COMMD10: variants seen among roughly 807,000 people sequenced by gnomAD.
COMMD10 encodes COMM domain containing 10.
Under a neutral mutation model 28.9 loss-of-function variants are expected in COMMD10, and 33 were observed. The observed-to-expected ratio is 1.14, with a 90% CI of 0.87 to 1.53. COMMD10 has a LOEUF of 1.53. Among genes scored for constraint, COMMD10 ranks in the 40% most tolerant of loss-of-function variants. The pLI is 0.00. For missense variants in COMMD10, 310 were observed against 233.4 expected (o/e 1.33, Z -2.14); for synonymous variants, 110 against 81.7 (o/e 1.35, Z -1.87).
At chr5:116,124,838 T>C (rs1751566807) in intron 4 of COMMD10, among the ~76,000 whole-genome samples, 1 of 152,156 alleles carries the variant, frequency 6.6e-6, no homozygotes, top group South Asian at 2.1e-4. Context: ...CTTCTTTGTC[T>C]CTTTTGATCT....
intron 4 of COMMD10, among the ~76,000 whole-genome samples, chr5:116,096,391 G>T (rs1750469941): frequency 1.3e-5 from 2 of 150,260 alleles, no homozygotes; most frequent in Non-Finnish European, 1.5e-5. Context: ...GTTTTCCAAT[G>T]GCTTATTGAT....
chr5:116,101,675 T>C (rs2112723081), intron 4 of COMMD10, among the ~76,000 whole-genome samples: 1 of 152,312 alleles, frequency 6.6e-6, no homozygotes, highest in South Asian at 2.1e-4. Flanking sequence ...TCCGCTTGCC[T>C]CAGCCTCCCA....
intron 5 of COMMD10, among the ~76,000 whole-genome samples, chr5:116,207,679 C>A (rs1055062467): frequency 1.3e-5 from 2 of 152,122 alleles, no homozygotes; most frequent in Non-Finnish European, 2.9e-5. Context: ...GCATGCATCA[C>A]CACACCCAGC....
intron 5 of COMMD10, among the ~76,000 whole-genome samples, chr5:116,247,943 C>A (rs184496961): frequency 1.3e-5 from 2 of 151,814 alleles, no homozygotes; most frequent in Admixed American, 1.3e-4. Context: ...CAAATATGCA[C>A]ATGTACCCCT....
intron 5 of COMMD10, among the ~76,000 whole-genome samples, chr5:116,183,759 G>A (rs1455110107): frequency 6.6e-6 from 1 of 152,038 alleles, no homozygotes; most frequent in Non-Finnish European, 1.5e-5. Flanking sequence ...GGGTTACCTG[G>A]ATAGCTGATA....
intron 5 of COMMD10, among the ~76,000 whole-genome samples, chr5:116,255,080 G>T (rs569395626): frequency 4.0e-5 from 6 of 151,586 alleles, no homozygotes; most frequent in African/African-American, 7.3e-5. Flanking sequence ...TTTGATCTTT[G>T]TTGGTTTAAA....
At chr5:116,153,341 A>G (rs557817154) in intron 5 of COMMD10, among the ~76,000 whole-genome samples, 2 of 152,118 alleles carry the variant, frequency 1.3e-5, no homozygotes, top group African/African-American at 4.8e-5. Flanking sequence ...TGATTTCTTC[A>G]TAATATTATA....
Position 116,085,037 on chromosome 5 carries a change from T to C in COMMD10, c.-16T>C, listed in dbSNP as rs745521984. On this transcript the variant is annotated 5_prime_UTR_variant, in exon 1 of 7. Coordinates refer to ENST00000274458, the MANE Select transcript of COMMD10 (RefSeq NM_016144.4). Reference sequence around the variant, plus strand: ...CGGCGCAGCTAACAGACGGCGGCAGTGCGAGAAAGCCGAAGATGGCGGTCC... The same window carrying C: ...CGGCGCAGCTAACAGACGGCGGCAGCGCGAGAAAGCCGAAGATGGCGGTCC... 4.0e-5 allele frequency: 65 copies of C among 1,605,012 alleles called. 1 individual carries two copies. In the East Asian group the frequency reaches 1.4e-3, roughly 34 times the overall value.
intron 5 of COMMD10, among the ~76,000 whole-genome samples, chr5:116,159,712 G>T (rs2112565242): frequency 6.6e-6 from 1 of 152,256 alleles, no homozygotes; most frequent in East Asian, 1.9e-4. Flanking sequence ...GATGCATGGG[G>T]TTGATATTGT....
intron 2 of COMMD10, among the ~76,000 whole-genome samples, chr5:116,089,485 G>A (rs1362400240): frequency 6.6e-6 from 1 of 152,300 alleles, no homozygotes; most frequent in African/African-American, 2.4e-5. Context: ...ATAAAAATAT[G>A]GGACAAGAAA....
Position 116,206,261 on chromosome 5 carries a change from G to T in COMMD10, c.510+72083G>T, listed in dbSNP as rs191884359. 1.7e-3 allele frequency among the ~76,000 whole-genome samples: 264 copies of T among 152,274 alleles called. 3 individuals carry two copies. Among genetic ancestry groups the T allele is most frequent in the African/African-American group, 5.9e-3 (247 of 41,538 alleles). ...CCTACTCTATTTGTTCCATTGAGTAGCCTTAGAGTTGAAACAGCAGTTTCC... is the reference window on the plus strand; with the variant it reads ...CCTACTCTATTTGTTCCATTGAGTATCCTTAGAGTTGAAACAGCAGTTTCC... On this transcript the variant is annotated intron_variant, in intron 5 of 6. Transcript: ENST00000274458.
At chr5:116,147,947 T>C (rs2112546961) in intron 5 of COMMD10, among the ~76,000 whole-genome samples, 1 of 151,964 alleles carries the variant, frequency 6.6e-6, no homozygotes, top group South Asian at 2.1e-4. Context: ...ACATCTTTTA[T>C]TGTCAGTACA....
intron 5 of COMMD10, among the ~76,000 whole-genome samples, chr5:116,199,992 G>T (rs769659300): frequency 1.3e-5 from 2 of 151,922 alleles, no homozygotes; most frequent in African/African-American, 4.8e-5. Flanking sequence ...CAATTTTTGT[G>T]GATACATACT....
chr5:116,125,430 G>A (rs1325196879), intron 4 of COMMD10, among the ~76,000 whole-genome samples: 1 of 152,108 alleles, frequency 6.6e-6, no homozygotes, highest in Admixed American at 6.6e-5. Flanking sequence ...CTGTTAGTCT[G>A]GTGGGTTTCC....
chr5:116,087,430 C>A, intron 1 of COMMD10, 67 bp from the exon 2 acceptor site: 2 of 923,542 alleles, frequency 2.2e-6, no homozygotes, highest in Non-Finnish European at 3.6e-6. Flanking sequence ...AACTTATAGA[C>A]AACTATAGAA....
intron 4 of COMMD10, among the ~76,000 whole-genome samples, chr5:116,100,793 T>C (rs1206888617): frequency 1.3e-5 from 2 of 152,210 alleles, no homozygotes; most frequent in Non-Finnish European, 2.9e-5. Flanking sequence ...TTTTTCTTTG[T>C]ATAAATTCAT....
chr5:116,169,788 C>G (rs1753257937), intron 5 of COMMD10, among the ~76,000 whole-genome samples: 1 of 152,024 alleles, frequency 6.6e-6, no homozygotes, highest in South Asian at 2.1e-4. Flanking sequence ...AAATTCAGCA[C>G]CTCTTCATGC....
Position 116,253,727 on chromosome 5 carries a change from A to G in COMMD10, c.511-37790A>G, listed in dbSNP as rs1177316372. Among the ~76,000 whole-genome samples, 5 of 149,002 alleles carry G rather than the reference A, an allele frequency of 3.4e-5. No homozygotes were observed. The East Asian group carries it at 5.8e-4, about 17-fold the overall frequency. On this transcript the variant is annotated intron_variant, in intron 5 of 6. Coordinates refer to ENST00000274458, the MANE Select transcript of COMMD10 (RefSeq NM_016144.4). ...TATTTTATTGAGGATTTTTGCATCAATGTTCATCAAGGATATTGGTCTAAA... is the reference window on the plus strand; with the variant it reads ...TATTTTATTGAGGATTTTTGCATCAGTGTTCATCAAGGATATTGGTCTAAA...
chr5:116,248,382 G>A (rs939411716), intron 5 of COMMD10, among the ~76,000 whole-genome samples: 1 of 151,284 alleles, frequency 6.6e-6, no homozygotes, highest in Non-Finnish European at 1.5e-5. Context: ...TAAGAGTTAG[G>A]CATTTGTAAA....
Sources: allele counts gnomAD v4.1 joint callset (sites outside exome capture counted in the v4.1 genomes callset), GRCh38; gene constraint gnomAD v4.1.1; transcripts MANE v1.5; gene names NCBI Gene and HGNC (gene_info 2026-07-23, HGNC 2026-07-21).